Variants in UBQLN1 observed in about 807,000 individuals in gnomAD.
UBQLN1 encodes the protein ubiquilin-1.
Under a neutral mutation model 65.4 loss-of-function variants are expected in UBQLN1, and 13 were observed. That is an observed-to-expected ratio of 0.20 (90% confidence interval 0.13 to 0.32). The LOEUF (loss-of-function observed/expected upper bound fraction) is 0.32, where lower values mean the gene tolerates loss of function less well. Ranked by LOEUF, UBQLN1 falls within the 10% of genes least tolerant of loss-of-function variation. The pLI, the probability that UBQLN1 is intolerant of heterozygous loss-of-function variation, is 1.00. For missense variants in UBQLN1, 561 were observed against 724.0 expected, an observed-to-expected ratio of 0.77 and a Z score of 2.58; for synonymous variants, 267 against 247.8, an observed-to-expected ratio of 1.08 and a Z score of -0.73.
intron 10 of UBQLN1, among the ~76,000 whole-genome samples, chr9:83,662,939 G>C (rs546035980): frequency 6.6e-6 from 1 of 152,170 alleles, no homozygotes; most frequent in South Asian, 2.1e-4. Flanking sequence ...AGCCAGGTGT[G>C]GTGGTCTGCG....
chr9:83,691,229 G>C (rs1286689383), intron 1 of UBQLN1, among the ~76,000 whole-genome samples: 1 of 151,868 alleles, frequency 6.6e-6, no homozygotes, highest in Non-Finnish European at 1.5e-5. Flanking sequence ...TCTTGGGCAG[G>C]TCAACTGAAA....
At chr9:83,697,250 T>TG (rs1257609457) in intron 1 of UBQLN1, among the ~76,000 whole-genome samples, 1 of 151,512 alleles carries the variant, frequency 6.6e-6, no homozygotes, top group South Asian at 2.1e-4. Context: ...TTCTGGTTTT[T>TG]TTTTTTTTTT....
At chr9:83,705,989 G>C (rs894233295) in intron 1 of UBQLN1, among the ~76,000 whole-genome samples, 1 of 151,972 alleles carries the variant, frequency 6.6e-6, no homozygotes, top group African/African-American at 2.4e-5. Flanking sequence ...GAAATGACTG[G>C]GAAAAGGCAA....
At position 83,683,006 on chromosome 9, in the gene UBQLN1, T is replaced by C. The variant is rs767464742; in HGVS notation, c.393A>G (p.Ser131=). 6.2e-7 allele frequency: 1 copy of C among 1,612,590 alleles called. No individual in the cohort carries two copies. Among genetic ancestry groups the C allele is most frequent in the Non-Finnish European group, 8.5e-7 (1 of 1,179,746 alleles). Residue 131 remains serine (S), a synonymous_variant, in exon 3 of 11, where the codon TCA becomes TCG. Transcript: ENST00000376395. ...NTAGSNVTTS[S]TPNSNSTSGS... ...CAGATGTAGAGTTACTATTAGGAGTTGATGATGTAGTAACATTGCTTCCAG... is the reference window on the plus strand; with the variant it reads ...CAGATGTAGAGTTACTATTAGGAGTCGATGATGTAGTAACATTGCTTCCAG...
At position 83,660,142 on chromosome 9, in the gene UBQLN1, T is replaced by C. The variant is rs991955209; in HGVS notation, c.*1645A>G. The C allele has an allele frequency of 1.3e-5, 2 of 152,486 alleles. No individual in the cohort carries two copies. Among genetic ancestry groups the C allele is most frequent in the East Asian group, 3.8e-4 (2 of 5,202 alleles). The allele number at this position is 152,486 out of a possible 1,614,324, so 9.4% of individuals were successfully genotyped here. On this transcript the variant is annotated 3_prime_UTR_variant, in exon 11 of 11. Transcript: ENST00000376395. Reference sequence around the variant, plus strand: ...TACCCTTCTTAACAATCTCTTCTACTTATGCCTCCACCGTAACCTTTGTAC... The same window carrying C: ...TACCCTTCTTAACAATCTCTTCTACCTATGCCTCCACCGTAACCTTTGTAC...
rs765582215 is a variant in UBQLN1, at chr9:83,664,022, T to C, written c.1470A>G (p.Ala490=). ...CCGAAGAGCCTCCAGTGCTTCCTAATGCCCCCAAGCCAGGAGTAAACCTAC... is the reference window on the plus strand; with the variant it reads ...CCGAAGAGCCTCCAGTGCTTCCTAACGCCCCCAAGCCAGGAGTAAACCTAC... ...LIPGFTPGLG[A]LGSTGGSSGT... Residue 490 remains alanine, a synonymous_variant, in exon 10 of 11, where the codon GCA becomes GCG. Coordinates refer to ENST00000376395, the MANE Select transcript of UBQLN1 (RefSeq NM_013438.5). 23 of 1,613,880 alleles carry C rather than the reference T, an allele frequency of 1.4e-5. No homozygotes were observed. Among genetic ancestry groups the C allele is most frequent in the Non-Finnish European group, 1.9e-5 (22 of 1,179,936 alleles).
At chr9:83,665,206 A>T in intron 8 of UBQLN1, 61 bp from the exon 9 acceptor site, 1 of 1,287,508 alleles carries the variant, frequency 7.8e-7, no homozygotes, top group Non-Finnish European at 1.1e-6. Context: ...GTAAATTTTT[A>T]AATCTTTTCT....
intron 6 of UBQLN1, among the ~76,000 whole-genome samples, chr9:83,676,156 T>C (rs1228039396): frequency 2.0e-5 from 3 of 152,208 alleles, no homozygotes; most frequent in Non-Finnish European, 2.9e-5. Flanking sequence ...TGTGTGCATA[T>C]ATGTATGCAT....
intron 6 of UBQLN1, among the ~76,000 whole-genome samples, chr9:83,670,398 C>T (rs183573910): frequency 6.6e-6 from 1 of 151,792 alleles, no homozygotes; most frequent in East Asian, 1.9e-4. Context: ...TTTTCACATC[C>T]TAGAGTCCAA....
At chr9:83,707,475 C>G in intron 1 of UBQLN1, 25 bp downstream of exon 1, 1 of 1,594,596 alleles carries the variant, frequency 6.3e-7, no homozygotes, top group Non-Finnish European at 8.5e-7. Flanking sequence ...ACCCCCATCC[C>G]GGCCCGAGCC....
At chr9:83,668,177 ATTC>A (rs947803482) in intron 7 of UBQLN1, 36 of 985,262 alleles carry the variant, frequency 3.7e-5, no homozygotes, top group East Asian at 2.3e-4. Flanking sequence ...AGACACAAAA[ATTC>A]TTCTTAAAAT....
At position 83,673,453 on chromosome 9, in the gene UBQLN1, G is replaced by A. The variant is rs532477388; in HGVS notation, c.1106-4126C>T. ...CCAGCTACTCAGGAGGCTGAGGCAC[G>A]AGAATCTCTAGAACCTGGGAGGCAG... On this transcript the variant is annotated intron_variant, in intron 6 of 10. Transcript: ENST00000376395. 1.3e-4 allele frequency among the ~76,000 whole-genome samples: 19 copies of A among 149,278 alleles called. No individual in the cohort carries two copies. In the East Asian group the frequency reaches 3.0e-3, roughly 23 times the overall value.
intron 6 of UBQLN1, among the ~76,000 whole-genome samples, chr9:83,674,329 G>A (rs1325153964): frequency 1.3e-5 from 2 of 152,070 alleles, no homozygotes; most frequent in Admixed American, 6.6e-5. Context: ...CTTATGCAAT[G>A]ACACTAAAAG....
At chr9:83,697,408 T>C (rs11140216) in intron 1 of UBQLN1, among the ~76,000 whole-genome samples, 106,001 of 150,744 alleles carry the variant, frequency 0.7, 38,122 homozygotes, top group East Asian at 0.88. Context: ...AAAAATTAGC[T>C]GGGTGTGGTG....
intron 6 of UBQLN1, among the ~76,000 whole-genome samples, chr9:83,675,455 C>A (rs1011786095): frequency 6.9e-6 from 1 of 145,728 alleles, no homozygotes; most frequent in African/African-American, 2.6e-5. Context: ...GCTTTACAGA[C>A]TTCCTATGCC....
chr9:83,663,900 T>G lies in UBQLN1; in HGVS notation c.1592A>C (p.Gln531Pro). 1 of 1,614,096 alleles carries G rather than the reference T, an allele frequency of 6.2e-7. No individual in the cohort carries two copies. The highest frequency in any genetic ancestry group is 8.5e-7 in the Non-Finnish European group (1 of 1,179,944). Residue 531 changes from glutamine to proline, a missense_variant, in exon 10 of 11, where the codon CAG (glutamine) becomes CCG (proline). By Grantham distance (76) the Gln-to-Pro change is moderately conservative. Around this residue, in one of 8 missense-constraint regions of UBQLN1, gnomAD observed 68 missense variants for 62.2 expected, o/e 1.09. Transcript: ENST00000376395. The part of the protein sequence containing the change: ...GHQQFIQQML[Q>P]ALAGVNPQLQ... ...CTGAGGATTTACTCCAGCAAGAGCCTGCAGCATCTGCTGAATAAACTGCTG... is the reference window on the plus strand; with the variant it reads ...CTGAGGATTTACTCCAGCAAGAGCCGGCAGCATCTGCTGAATAAACTGCTG...
chr9:83,692,264 T>C (rs990200055), intron 1 of UBQLN1, among the ~76,000 whole-genome samples: 1 of 152,230 alleles, frequency 6.6e-6, no homozygotes. Flanking sequence ...CAGCTAAAAA[T>C]TCTGCACGTA....
At position 83,681,427 on chromosome 9, in the gene UBQLN1, T is replaced by C. The variant is rs184276565; in HGVS notation, c.449-1390A>G. 1.1e-3 allele frequency among the ~76,000 whole-genome samples: 173 copies of C among 152,294 alleles called. 1 individual carries two copies. Among genetic ancestry groups the C allele is most frequent in the Middle Eastern group, 3.4e-3 (1 of 294 alleles). On this transcript the variant is annotated intron_variant, in intron 3 of 10. Coordinates refer to ENST00000376395, the MANE Select transcript of UBQLN1 (RefSeq NM_013438.5). ...GGAAAGACAGACAAGAAAATAAATG[T>C]CTATACAGATGCTAAGTACTTCAGT...
In UBQLN1 at chr9:83,680,108, G is replaced by A; in HGVS notation, c.449-71C>T. 7 of 1,480,492 alleles carry A rather than the reference G, an allele frequency of 4.7e-6. No individual in the cohort carries two copies. The Admixed American group carries it at 9.1e-5, about 19-fold the overall frequency. The allele number at this position is 1,480,492 out of a possible 1,614,324, so 91.7% of individuals were successfully genotyped here. A position where few individuals can be genotyped will look rare whatever the true frequency, so the allele number is the denominator to read the frequency against. On this transcript the variant is annotated intron_variant, in intron 3 of 10. Coordinates refer to ENST00000376395, the MANE Select transcript of UBQLN1 (RefSeq NM_013438.5). ...TTATCATTAACATGACATAAAATAT[G>A]AAGATGCAAAAAAGTATTAGCTGAC...
Sources: allele counts gnomAD v4.1 joint callset (sites outside exome capture counted in the v4.1 genomes callset), GRCh38; gene constraint gnomAD v4.1.1; regional missense constraint gnomAD v4.1.1; transcripts MANE v1.5; gene names NCBI Gene and HGNC (gene_info 2026-07-23, HGNC 2026-07-21).